Variants in CSMD1 observed in about 807,000 individuals in gnomAD.
CSMD1 encodes the protein CUB and sushi domain-containing protein 1.
Under a neutral mutation model 417.5 loss-of-function variants are expected in CSMD1, and 213 were observed. The observed-to-expected ratio is 0.51, with a 90% CI of 0.46 to 0.57. The LOEUF (loss-of-function observed/expected upper bound fraction) is 0.57. Among genes scored for constraint, CSMD1 ranks in the 20% least tolerant of loss-of-function variants. CSMD1 has a pLI of 0.00. For synonymous variants in CSMD1, 2,862 were observed against 1,736.8 expected (o/e 1.65, Z -16.11); for missense variants, 6,923 against 4,529.7 (o/e 1.53, Z -15.17).
At chr8:4,094,638 C>G (rs916359524) in intron 3 of CSMD1, among the ~76,000 whole-genome samples, 1 of 152,040 alleles carries the variant, frequency 6.6e-6, no homozygotes, top group African/African-American at 2.4e-5. Context: ...CATGTGGGGA[C>G]ACACATGTGG....
chr8:3,883,556 G>C (rs1425791763), intron 5 of CSMD1, among the ~76,000 whole-genome samples: 2 of 152,078 alleles, frequency 1.3e-5, no homozygotes, highest in African/African-American at 2.4e-5. Context: ...CTAAAGCAGT[G>C]AACTGATGCC....
intron 23 of CSMD1, among the ~76,000 whole-genome samples, chr8:3,326,064 C>T (rs1445318750): frequency 6.6e-6 from 1 of 152,120 alleles, no homozygotes; most frequent in Non-Finnish European, 1.5e-5. Context: ...GATCACAGAC[C>T]CTTATTAAAC....
intron 12 of CSMD1, among the ~76,000 whole-genome samples, chr8:3,414,093 C>T (rs572999941): frequency 1.4e-5 from 2 of 147,388 alleles, no homozygotes; most frequent in Admixed American, 6.8e-5. Flanking sequence ...GAGCCAAGAT[C>T]GCGACACTGC....
intron 5 of CSMD1, among the ~76,000 whole-genome samples, chr8:3,791,058 A>C (rs552100614): frequency 3.9e-5 from 6 of 152,236 alleles, no homozygotes; most frequent in Non-Finnish European, 8.8e-5. Context: ...AATATGATTT[A>C]TGGCTACTTG....
chr8:4,212,776 T>TTTTTTTTTTTTTTTTCC (rs1563282662), intron 3 of CSMD1, among the ~76,000 whole-genome samples: 1 of 105,850 alleles, frequency 9.4e-6, no homozygotes, highest in African/African-American at 3.4e-5. Context: ...TTTTTTTTTT[T>TTTTTTTTTTTTTTTTCC]ACAAGCTATT....
chr8:4,544,971 C>T (rs1797566487), intron 2 of CSMD1, among the ~76,000 whole-genome samples: 1 of 152,190 alleles, frequency 6.6e-6, no homozygotes, highest in African/African-American at 2.4e-5. Context: ...CACTTGTTGT[C>T]TATAAGCATA....
chr8:3,905,368 T>C (rs1205014713), intron 5 of CSMD1, among the ~76,000 whole-genome samples: 2 of 152,190 alleles, frequency 1.3e-5, no homozygotes, highest in Non-Finnish European at 2.9e-5. Flanking sequence ...AAAAGTTCTT[T>C]AGATTTTCTT....
At chr8:3,540,379 G>C (rs192877210) in intron 10 of CSMD1, among the ~76,000 whole-genome samples, 1 of 152,116 alleles carries the variant, frequency 6.6e-6, no homozygotes, top group Admixed American at 6.6e-5. Context: ...ATCAAGTACA[G>C]CTCAAGGTGG....
At chr8:3,004,469 T>C (rs528150432) in intron 52 of CSMD1, among the ~76,000 whole-genome samples, 97 of 152,340 alleles carry the variant, frequency 6.4e-4, no homozygotes, top group African/African-American at 2.3e-3. Flanking sequence ...CGTGAATTTA[T>C]TAGTCTACTA....
intron 1 of CSMD1, among the ~76,000 whole-genome samples, chr8:4,873,568 G>A (rs1563644360): frequency 6.6e-6 from 1 of 152,096 alleles, no homozygotes. Context: ...CTTCAAAGTT[G>A]CTGACAAGAA....
chr8:3,481,508 C>CA (rs1457869866), intron 11 of CSMD1, among the ~76,000 whole-genome samples: 2 of 152,164 alleles, frequency 1.3e-5, no homozygotes, highest in African/African-American at 2.4e-5. Flanking sequence ...ATAATGGCCT[C>CA]ACTCCTGTCC....
chr8:4,767,682 T>G (rs1812558071), intron 1 of CSMD1, among the ~76,000 whole-genome samples: 1 of 152,224 alleles, frequency 6.6e-6, no homozygotes, highest in Admixed American at 6.5e-5. Flanking sequence ...CACCTTTTTA[T>G]GAAAGCATTC....
rs368620224 is a variant in CSMD1, at chr8:4,790,132, C to G, written c.86-152574G>C. Reference sequence around the variant, plus strand: ...CACTTGTGATATCCAATATTCAGTTCCTTTGGACAAACAAGACAAATACAT... The same window carrying G: ...CACTTGTGATATCCAATATTCAGTTGCTTTGGACAAACAAGACAAATACAT... On this transcript the variant is annotated intron_variant, in intron 1 of 69. Coordinates refer to ENST00000635120, the MANE Select transcript of CSMD1 (RefSeq NM_033225.6). 3.9e-5 allele frequency among the ~76,000 whole-genome samples: 6 copies of G among 152,026 alleles called. No homozygotes were observed. The East Asian group carries it at 9.6e-4, about 24-fold the overall frequency.
At chr8:4,856,990 T>C (rs1237674217) in intron 1 of CSMD1, among the ~76,000 whole-genome samples, 1 of 150,354 alleles carries the variant, frequency 6.7e-6, no homozygotes, top group Non-Finnish European at 1.5e-5. Flanking sequence ...ACCACACCTA[T>C]TCCAAAATTG....
intron 3 of CSMD1, among the ~76,000 whole-genome samples, chr8:4,307,194 C>T (rs546191136): frequency 6.6e-6 from 1 of 152,266 alleles, no homozygotes; most frequent in East Asian, 1.9e-4. Context: ...TGTATCAACC[C>T]CCTTCTACGG....
chr8:4,348,617 G>A (rs1385865340), intron 3 of CSMD1, among the ~76,000 whole-genome samples: 1 of 143,044 alleles, frequency 7.0e-6, no homozygotes, highest in African/African-American at 2.7e-5. Flanking sequence ...GTTGGGGGTG[G>A]GGGAGGGAGG....
At chr8:4,730,512 A>G (rs1239222463) in intron 1 of CSMD1, among the ~76,000 whole-genome samples, 7 of 152,078 alleles carry the variant, frequency 4.6e-5, no homozygotes, top group South Asian at 2.1e-4. Flanking sequence ...AGGCTGAGGC[A>G]GGCGGATCAC....
chr8:4,809,784 A>C (rs1487452033), intron 1 of CSMD1, among the ~76,000 whole-genome samples: 1 of 152,214 alleles, frequency 6.6e-6, no homozygotes, highest in African/African-American at 2.4e-5. Flanking sequence ...TAAATATTTG[A>C]AATATACTGT....
intron 48 of CSMD1, 67 bp downstream of exon 48, chr8:3,091,449 G>A (rs1208555954): frequency 4.1e-6 from 5 of 1,205,362 alleles, no homozygotes; most frequent in African/African-American, 1.6e-5. Flanking sequence ...TATTTAAATT[G>A]TTTTATTCAA....
Sources: gnomAD v4.1 joint callset for allele counts (sites outside exome capture counted in the v4.1 genomes callset) on GRCh38, gnomAD v4.1.1 for gene constraint, MANE v1.5 for transcripts, NCBI Gene and HGNC (gene_info 2026-07-23, HGNC 2026-07-21) for gene names.